Variants in RBM41 observed in about 807,000 individuals in gnomAD.
The protein encoded by RBM41 is RNA binding motif protein 41.
Under a neutral mutation model 30.8 loss-of-function variants are expected in RBM41, and 14 were observed. The observed-to-expected ratio is 0.45, with a 90% confidence interval of 0.30 to 0.71. RBM41 has a LOEUF of 0.71. Among genes scored for constraint, RBM41 ranks in the 30% least tolerant of loss-of-function variants. The pLI, the probability that RBM41 is intolerant of heterozygous loss-of-function variation, is 0.08. For synonymous variants in RBM41, 120 were observed against 110.1 expected, an observed-to-expected ratio of 1.09 and a Z score of -0.56; for missense variants, 276 against 326.3, an observed-to-expected ratio of 0.85 and a Z score of 1.19.
At chrX:107,055,245 G>A in the RBM41 span, among the ~76,000 whole-genome samples, 1 of 112,602 alleles carries the variant, frequency 8.9e-6, no homozygotes, top group Non-Finnish European at 1.9e-5. Flanking sequence ...CCATTCATCA[G>A]TTGATGGATA....
At chrX:107,058,293 C>CAAAAAAAAAAA (rs201428990), downstream of RBM41, among the ~76,000 whole-genome samples, 1 of 45,712 alleles carries the variant, frequency 2.2e-5, no homozygotes, top group Admixed American at 2.5e-4. Context: ...AACTCCGTCT[C>CAAAAAAAAAAA]AAAAAAAAAA....
chrX:107,109,885 A>G (rs919069742), intron 5 of RBM41, among the ~76,000 whole-genome samples: 2 of 111,121 alleles, frequency 1.8e-5, no homozygotes. Context: ...TAATTTCCAC[A>G]TATTTGTAAT....
At chrX:107,079,465 T>C (rs1921305289) in intron 6 of RBM41, among the ~76,000 whole-genome samples, 1 of 111,601 alleles carries the variant, frequency 9.0e-6, no homozygotes, top group Non-Finnish European at 1.9e-5. Context: ...TCAATAAGGG[T>C]ACCGTGCTTA....
intron 5 of RBM41, among the ~76,000 whole-genome samples, chrX:107,108,437 T>A (rs920877785): frequency 1.8e-5 from 2 of 111,040 alleles, no homozygotes; most frequent in Non-Finnish European, 3.8e-5. Flanking sequence ...GAAGAGTGAA[T>A]GGCAGCAGGA....
chrX:107,080,725 C>T (rs748557798), intron 6 of RBM41, among the ~76,000 whole-genome samples: 1 of 112,405 alleles, frequency 8.9e-6, no homozygotes, highest in East Asian at 2.8e-4. Flanking sequence ...TTTAGCGATT[C>T]GAGTAGGTGT....
downstream of RBM41, among the ~76,000 whole-genome samples, chrX:107,057,042 A>T (rs1935595860): frequency 9.1e-6 from 1 of 109,372 alleles, no homozygotes; most frequent in African/African-American, 3.3e-5. Flanking sequence ...TAATTTTTAA[A>T]TTTTTTTGTA....
rs1178067920 is a variant in RBM41, at chrX:107,063,943, C to CTTTCT, written c.*3579_*3583dup. Among the ~76,000 whole-genome samples the CTTTCT allele has an allele frequency of 9.7e-6, 1 of 102,662 alleles. No individual in the cohort carries two copies. The highest frequency in any genetic ancestry group is 3.0e-4 in the East Asian group (1 of 3,320). The allele number at this position is 102,662 out of a possible 115,157, so 89.1% of individuals were successfully genotyped here. On this transcript the variant is annotated 3_prime_UTR_variant, in exon 8 of 8. Transcript: ENST00000685964. ...TGTAAAGTGAGGTTAGTGCTATGGT[C>CTTTCT]TTTCTTTTCTTTTTTTTTTTTTTTT...
intron 5 of RBM41, chrX:107,112,893 A>G (rs900204480): frequency 3.1e-6 from 1 of 327,813 alleles, no homozygotes; most frequent in Non-Finnish European, 5.9e-6. Context: ...GAATGACTAT[A>G]AAGGGACAGC....
At chrX:107,114,288 C>A (rs1924723655) in intron 4 of RBM41, 1 of 111,703 alleles carries the variant, frequency 9.0e-6, no homozygotes, top group African/African-American at 3.3e-5. Flanking sequence ...GCTTCCAGTT[C>A]TTCCTCTCTC....
chrX:107,113,008 G>A, intron 5 of RBM41: 1 of 221,284 alleles, frequency 4.5e-6, no homozygotes, highest in Non-Finnish European at 8.4e-6. Flanking sequence ...CACCAAAAAA[G>A]AAGAAGCCCC....
At chrX:107,100,158 C>T (rs1187501293) in intron 5 of RBM41, among the ~76,000 whole-genome samples, 1 of 111,914 alleles carries the variant, frequency 8.9e-6, no homozygotes, top group Non-Finnish European at 1.9e-5. Context: ...TGACTAAAGG[C>T]TTTAAAAAAA....
chrX:107,117,834 A>G (rs1434099422), intron 1 of RBM41, among the ~76,000 whole-genome samples: 1 of 111,897 alleles, frequency 8.9e-6, no homozygotes, highest in Non-Finnish European at 1.9e-5. Context: ...TAGACTTCTA[A>G]GGGACTGGCA....
downstream of RBM41, among the ~76,000 whole-genome samples, chrX:107,059,074 C>T (rs992280374): frequency 9.0e-6 from 1 of 111,249 alleles, no homozygotes; most frequent in African/African-American, 3.3e-5. Flanking sequence ...ATTGTTTAAC[C>T]TAGTACCCCA....
chrX:107,052,102 T>C, the RBM41 span, among the ~76,000 whole-genome samples: 2 of 111,625 alleles, frequency 1.8e-5, no homozygotes, highest in South Asian at 7.8e-4. Flanking sequence ...ACATAAAACA[T>C]ACCATCTAGA....
intron 6 of RBM41, among the ~76,000 whole-genome samples, chrX:107,071,183 G>A (rs1311107853): frequency 1.1e-5 from 1 of 88,427 alleles, no homozygotes; most frequent in Admixed American, 1.3e-4. Flanking sequence ...AGAAAAATGG[G>A]AAAGATATCA....
chrX:107,066,552 G>A lies in RBM41; in HGVS notation c.*975C>T, dbSNP rs1935846365. On this transcript the variant is annotated 3_prime_UTR_variant, in exon 8 of 8. Coordinates refer to ENST00000685964, the MANE Select transcript of RBM41 (RefSeq NM_001324242.2). The stretch of plus-strand genomic sequence containing the variant: ...TCTTCACAACCCAGTGAGGTAAGTA[G>A]CATTATTATCCTCACTTTATAGATG... 1 of 178,908 alleles carries A rather than the reference G, an allele frequency of 5.6e-6. No homozygotes were observed. Among genetic ancestry groups the A allele is most frequent in the Non-Finnish European group, 8.7e-6 (1 of 115,175 alleles). 14.7% of individuals were successfully genotyped at this position (178,908 alleles called of 1,213,427 possible).
At chrX:107,109,605 T>A (rs1602612957) in intron 5 of RBM41, among the ~76,000 whole-genome samples, 1 of 111,773 alleles carries the variant, frequency 8.9e-6, no homozygotes, top group East Asian at 2.8e-4. Context: ...CTCCATTTTT[T>A]ATTATTTCTT....
intron 6 of RBM41, among the ~76,000 whole-genome samples, chrX:107,076,001 T>C (rs915985282): frequency 6.3e-5 from 7 of 111,224 alleles, no homozygotes; most frequent in Non-Finnish European, 9.4e-5. Context: ...GACTGATGAA[T>C]AGATAAAGAA....
intron 5 of RBM41, among the ~76,000 whole-genome samples, chrX:107,094,236 AAAACT>A (rs1922784297): frequency 8.9e-6 from 1 of 112,362 alleles, no homozygotes; most frequent in African/African-American, 3.2e-5. Flanking sequence ...CACTGATAAC[AAAACT>A]AAACAAAGAT....
Sources: gnomAD v4.1 joint callset for allele counts (sites outside exome capture counted in the v4.1 genomes callset) on GRCh38, gnomAD v4.1.1 for gene constraint, MANE v1.5 for transcripts, NCBI Gene and HGNC (gene_info 2026-07-23, HGNC 2026-07-21) for gene names.